The following CALN1 variants were observed in gnomAD, a reference collection of about 807,000 sequenced individuals.
The protein encoded by CALN1 is calcium-binding protein 8.
A neutral mutation model predicts 30.6 loss-of-function variants in CALN1; 17 were observed. The observed-to-expected ratio is 0.56, with a 90% CI of 0.38 to 0.83. The LOEUF (loss-of-function observed/expected upper bound fraction) is 0.83, where lower values mean the gene tolerates loss of function less well. CALN1 is among the 40% of genes least tolerant of loss of function. The pLI is 0.00. For missense variants in CALN1, 291 were observed against 354.9 expected, an observed-to-expected ratio of 0.82 and a Z score of 1.45; for synonymous variants, 156 against 131.4, an observed-to-expected ratio of 1.19 and a Z score of -1.28.
chr7:72,503,101 G>A, the CALN1 span, among the ~76,000 whole-genome samples: 5 of 152,110 alleles, frequency 3.3e-5, no homozygotes, highest in South Asian at 2.1e-4. Context: ...AGCTGAGATC[G>A]TGCCACTGCA....
At chr7:72,133,968 A>G (rs763250981) in intron 3 of CALN1, among the ~76,000 whole-genome samples, 7 of 152,208 alleles carry the variant, frequency 4.6e-5, no homozygotes, top group Admixed American at 3.3e-4. Context: ...AATTCTTCAA[A>G]ATTCATGCTG....
intron 5 of CALN1, among the ~76,000 whole-genome samples, chr7:71,879,918 G>T (rs1178010885): frequency 6.6e-6 from 1 of 152,118 alleles, no homozygotes; most frequent in African/African-American, 2.4e-5. Flanking sequence ...AAAATATTTG[G>T]AGTATATCCA....
chr7:72,428,322 A>C (rs1807861044), intron 1 of CALN1, among the ~76,000 whole-genome samples: 1 of 152,220 alleles, frequency 6.6e-6, no homozygotes, highest in Non-Finnish European at 1.5e-5. Flanking sequence ...AGCAGGAAGA[A>C]ACTGAAAGGG....
intron 2 of CALN1, among the ~76,000 whole-genome samples, chr7:72,317,083 AG>A (rs1488736357): frequency 1.6e-4 from 18 of 110,356 alleles, no homozygotes; most frequent in African/African-American, 4.9e-4. Context: ...ACACAGAAAG[AG>A]AGAGAGAGAG....
chr7:72,018,453 T>C (rs575617680), intron 5 of CALN1, among the ~76,000 whole-genome samples: 37 of 152,206 alleles, frequency 2.4e-4, no homozygotes, highest in African/African-American at 8.7e-4. Context: ...AATATACCAC[T>C]GCAGTAACAA....
At chr7:72,306,633 GAAGAAAAAAA>G (rs1432485260) in intron 2 of CALN1, among the ~76,000 whole-genome samples, 1 of 98,306 alleles carries the variant, frequency 1.0e-5, no homozygotes, top group Non-Finnish European at 1.9e-5. Flanking sequence ...AAAAAAAAAA[GAAGAAAAAAA>G]AAGAAAAGAA....
chr7:72,156,048 G>A (rs1787656909), intron 3 of CALN1, among the ~76,000 whole-genome samples: 1 of 152,134 alleles, frequency 6.6e-6, no homozygotes, highest in Admixed American at 6.6e-5. Context: ...TGCCATAGAA[G>A]GTAACATATT....
At chr7:72,000,873 G>C (rs1455299336) in intron 5 of CALN1, among the ~76,000 whole-genome samples, 1 of 152,198 alleles carries the variant, frequency 6.6e-6, no homozygotes, top group Non-Finnish European at 1.5e-5. Context: ...GCAGACATCA[G>C]CAGGGCCGGA....
At position 71,823,544 on chromosome 7, in the gene CALN1, C is replaced by T. The variant is rs537887308; in HGVS notation, c.502-13052G>A. ...ACCAGCCTGGCCAATATGGTGAAAC[C>T]CCGTCTCTACTAAAAATATAAAAAT... On this transcript the variant is annotated intron_variant, in intron 5 of 6. Coordinates refer to ENST00000395275, the MANE Select transcript of CALN1 (RefSeq NM_031468.4). 3.9e-5 allele frequency among the ~76,000 whole-genome samples: 6 copies of T among 152,056 alleles called. No homozygotes were observed. The East Asian group carries it at 1.2e-3, about 30-fold the overall frequency.
At chr7:72,227,250 AAG>A (rs1485709956) in intron 3 of CALN1, among the ~76,000 whole-genome samples, 1 of 150,956 alleles carries the variant, frequency 6.6e-6, no homozygotes, top group African/African-American at 2.5e-5. Flanking sequence ...AAAAAAAAAA[AAG>A]AGGGCAGCCG....
At chr7:72,390,260 C>T (rs1394018136) in intron 2 of CALN1, among the ~76,000 whole-genome samples, 1 of 151,716 alleles carries the variant, frequency 6.6e-6, no homozygotes, top group African/African-American at 2.4e-5. Context: ...GAAACACCAC[C>T]TCTACTAAAA....
intron 5 of CALN1, among the ~76,000 whole-genome samples, chr7:72,012,320 C>T (rs1800127438): frequency 6.6e-6 from 1 of 152,150 alleles, no homozygotes; most frequent in South Asian, 2.1e-4. Context: ...TGAGACCATC[C>T]TGGCCAACAT....
intron 5 of CALN1, among the ~76,000 whole-genome samples, chr7:71,916,563 G>T (rs1021374687): frequency 6.6e-6 from 1 of 152,090 alleles, no homozygotes; most frequent in African/African-American, 2.4e-5. Context: ...GCAAACTAAT[G>T]CAGGAACAGA....
chr7:72,191,359 T>A (rs761403842), intron 3 of CALN1, among the ~76,000 whole-genome samples: 1 of 151,822 alleles, frequency 6.6e-6, no homozygotes, highest in Non-Finnish European at 1.5e-5. Flanking sequence ...TTCCACACTT[T>A]GGGAGGGCGA....
chr7:72,256,868 T>C (rs953972028), intron 3 of CALN1, among the ~76,000 whole-genome samples: 12 of 152,180 alleles, frequency 7.9e-5, no homozygotes, highest in Non-Finnish European at 1.3e-4. Flanking sequence ...TGCCAAGCAA[T>C]AGTACTAAAT....
chr7:72,240,790 C>A lies in CALN1; in HGVS notation c.244+37896G>T, dbSNP rs1385830355. Among the ~76,000 whole-genome samples, 7 of 152,238 alleles carry A rather than the reference C, an allele frequency of 4.6e-5. No individual in the cohort carries two copies. The South Asian group carries it at 1.5e-3, about 32-fold the overall frequency. On this transcript the variant is annotated intron_variant, in intron 3 of 6. Transcript: ENST00000395275. ...AGAAAGAATCACTAATGTGTAGGGT[C>A]CATCACTTCCACTGGTCTGAATTAT...
intron 5 of CALN1, among the ~76,000 whole-genome samples, chr7:71,860,185 T>C (rs1019004340): frequency 2.0e-5 from 3 of 148,784 alleles, no homozygotes; most frequent in Non-Finnish European, 4.4e-5. Context: ...TTGAGCATTC[T>C]TTATTTTCAT....
At chr7:72,286,459 G>A (rs1227278120) in intron 2 of CALN1, among the ~76,000 whole-genome samples, 1 of 152,168 alleles carries the variant, frequency 6.6e-6, no homozygotes, top group Non-Finnish European at 1.5e-5. Context: ...GACCTATGGG[G>A]ATTATGATTT....
chr7:72,055,484 A>G (rs563504094), intron 4 of CALN1, among the ~76,000 whole-genome samples: 1 of 152,178 alleles, frequency 6.6e-6, no homozygotes, highest in Non-Finnish European at 1.5e-5. Flanking sequence ...ACACAAATAG[A>G]TATGGTAATC....
Sources: gnomAD v4.1 joint callset for allele counts (sites outside exome capture counted in the v4.1 genomes callset) on GRCh38, gnomAD v4.1.1 for gene constraint, MANE v1.5 for transcripts, NCBI Gene and HGNC (gene_info 2026-07-23, HGNC 2026-07-21) for gene names.